Variants in NBAS observed in about 807,000 individuals in gnomAD.
The protein encoded by NBAS is NBAS subunit of NRZ tethering complex.
In NBAS, 219 loss-of-function variants were observed where a neutral mutation model predicts 302.5. The observed-to-expected ratio is 0.72, with a 90% confidence interval of 0.65 to 0.81. The LOEUF (loss-of-function observed/expected upper bound fraction) is 0.81, where lower values mean the gene tolerates loss of function less well. NBAS is among the 30% of genes least tolerant of loss of function. The pLI is 0.00. For missense variants in NBAS, 2,932 were observed against 2,841.6 expected, an observed-to-expected ratio of 1.03 and a Z score of -0.72; for synonymous variants, 1,118 against 1,021.6, an observed-to-expected ratio of 1.09 and a Z score of -1.80.
chr2:14,983,434 C>A, the NBAS span, among the ~76,000 whole-genome samples: 2 of 151,902 alleles, frequency 1.3e-5, no homozygotes, highest in African/African-American at 2.4e-5. Context: ...GATGCAATTT[C>A]TTTATTTCTA....
the NBAS span, among the ~76,000 whole-genome samples, chr2:14,940,509 A>G: frequency 1.9e-4 from 29 of 152,278 alleles, no homozygotes; most frequent in East Asian, 3.9e-3. Context: ...GCTGAAAGGC[A>G]ATCTGTTTTT....
chr2:15,411,150 G>A (rs779204738), intron 25 of NBAS, among the ~76,000 whole-genome samples: 4 of 152,190 alleles, frequency 2.6e-5, no homozygotes, highest in Non-Finnish European at 5.9e-5. Context: ...TGAAGCCGAG[G>A]CAAGCGCCCT....
chr2:15,034,029 G>GAAGAAGAAGAAGAAGAAGAA, the NBAS span, among the ~76,000 whole-genome samples: 6 of 11,566 alleles, frequency 5.2e-4, no homozygotes, highest in Non-Finnish European at 7.9e-4. Context: ...AAGAAGAAGA[G>GAAGAAGAAGAAGAAGAAGAA]GAGGAGGAAG....
chr2:15,066,613 T>C, the NBAS span, among the ~76,000 whole-genome samples: 2 of 152,106 alleles, frequency 1.3e-5, no homozygotes, highest in Admixed American at 6.5e-5. Context: ...AAAATCGACA[T>C]CACTAATCAT....
intron 42 of NBAS, among the ~76,000 whole-genome samples, chr2:15,280,943 C>A (rs969015698): frequency 6.6e-6 from 1 of 152,162 alleles, no homozygotes; most frequent in Non-Finnish European, 1.5e-5. Flanking sequence ...CAGCTGAATA[C>A]GTGATTTCTC....
intron 21 of NBAS, among the ~76,000 whole-genome samples, chr2:15,449,735 A>C (rs1405345593): frequency 2.6e-5 from 4 of 152,194 alleles, no homozygotes; most frequent in African/African-American, 9.7e-5. Flanking sequence ...GGCCTTTCTT[A>C]GCTGATACAA....
chr2:15,437,515 G>C (rs577763605), intron 21 of NBAS, among the ~76,000 whole-genome samples: 23 of 152,308 alleles, frequency 1.5e-4, no homozygotes, highest in Middle Eastern at 3.4e-3. Context: ...TGGAAATGAA[G>C]AGGGAGTGTT....
the NBAS span, among the ~76,000 whole-genome samples, chr2:14,791,803 C>CATAAATAAATAAATACATAA: frequency 7.2e-6 from 1 of 139,198 alleles, no homozygotes; most frequent in African/African-American, 2.8e-5. Flanking sequence ...GACTCCATCT[C>CATAAATAAATAAATACATAA]ATAAATAAAT....
chr2:14,860,417 T>C, the NBAS span, among the ~76,000 whole-genome samples: 2 of 152,068 alleles, frequency 1.3e-5, no homozygotes, highest in African/African-American at 2.4e-5. Context: ...ATAGCCCAAA[T>C]AGTGAATAAA....
chr2:15,338,674 T>TACACACACACAAACACACACAC (rs1672705956), intron 35 of NBAS, among the ~76,000 whole-genome samples: 1 of 134,746 alleles, frequency 7.4e-6, no homozygotes, highest in African/African-American at 2.7e-5. Flanking sequence ...AACACACACA[T>TACACACACACAAACACACACAC]ACACACACAC....
At chr2:15,254,307 T>A (rs568854606) in intron 44 of NBAS, among the ~76,000 whole-genome samples, 1 of 151,706 alleles carries the variant, frequency 6.6e-6, no homozygotes, top group South Asian at 2.1e-4. Flanking sequence ...AACTGCATTT[T>A]AAAAAACCTT....
the NBAS span, among the ~76,000 whole-genome samples, chr2:14,801,532 A>T: frequency 2.0e-5 from 3 of 152,032 alleles, no homozygotes; most frequent in Non-Finnish European, 2.9e-5. Flanking sequence ...TTTCAATTTC[A>T]TATGTTCAAT....
At chr2:15,031,049 T>C in the NBAS span, among the ~76,000 whole-genome samples, 1 of 152,236 alleles carries the variant, frequency 6.6e-6, no homozygotes, top group Non-Finnish European at 1.5e-5. Context: ...CGCCACTCCA[T>C]CATTTGATTA....
At chr2:14,800,797 T>G in the NBAS span, among the ~76,000 whole-genome samples, 1 of 150,334 alleles carries the variant, frequency 6.7e-6, no homozygotes, top group Non-Finnish European at 1.5e-5. Flanking sequence ...TTTTGTTTTT[T>G]TTTTTTTAGG....
the NBAS span, among the ~76,000 whole-genome samples, chr2:15,110,505 C>A: frequency 6.6e-6 from 1 of 151,940 alleles, no homozygotes; most frequent in Non-Finnish European, 1.5e-5. Context: ...CATGTTAGTT[C>A]CAAAGAAATT....
chr2:15,336,210 CCACT>C (rs1672576843), intron 35 of NBAS, among the ~76,000 whole-genome samples: 1 of 152,100 alleles, frequency 6.6e-6, no homozygotes. Context: ...ACACTTCTAC[CCACT>C]CAAATATTAC....
At chr2:15,498,383 T>A (rs111479129) in intron 11 of NBAS, among the ~76,000 whole-genome samples, 137 of 152,300 alleles carry the variant, frequency 9.0e-4, no homozygotes, top group African/African-American at 3.2e-3. Flanking sequence ...TATTTATACA[T>A]ACATACAGTG....
Position 15,275,743 on chromosome 2 carries a change from T to C in NBAS, c.5465A>G (p.Asn1822Ser). The change falls in exon 44 of 52, where the codon AAT becomes AGT. Residue 1822 changes from asparagine (N) to serine (S), a missense_variant. Transcript: ENST00000281513. ...EALEPVLSSQ[N>S]ILSISKLVPK... ...AACAAGTTTGGAAATAGACAAGATA[T>C]TTTGACTTGAAAGAACTGGCTCCAA... 6.2e-7 allele frequency: 1 copy of C among 1,614,194 alleles called. No individual in the cohort carries two copies. Among genetic ancestry groups the C allele is most frequent in the Non-Finnish European group, 8.5e-7 (1 of 1,180,018 alleles).
chr2:14,939,219 C>A, the NBAS span, among the ~76,000 whole-genome samples: 3 of 152,242 alleles, frequency 2.0e-5, no homozygotes, highest in Admixed American at 2.0e-4. Context: ...AGCTGTTAGA[C>A]CATGACAGTT....
Sources: gnomAD v4.1 joint callset for allele counts (sites outside exome capture counted in the v4.1 genomes callset) on GRCh38, gnomAD v4.1.1 for gene constraint, MANE v1.5 for transcripts, NCBI Gene and HGNC (gene_info 2026-07-23, HGNC 2026-07-21) for gene names.